Variants in RIMS2 observed in about 807,000 individuals in gnomAD.
RIMS2 encodes regulating synaptic membrane exocytosis protein 2.
In RIMS2, 59 loss-of-function variants were observed where a neutral mutation model predicts 174.4. The observed-to-expected ratio is 0.34, with a 90% CI of 0.27 to 0.42. RIMS2 has a LOEUF of 0.42. RIMS2 is among the 10% of genes least tolerant of loss of function. The pLI is 1.00. For synonymous variants in RIMS2, 606 were observed against 572.5 expected (o/e 1.06, Z -0.84); for missense variants, 1,620 against 1,666.3 (o/e 0.97, Z 0.48).
Position 103,910,533 on chromosome 8 carries a change from C to T in RIMS2, c.1692+332C>T, listed in dbSNP as rs1312358166. Reference sequence around the variant, plus strand: ...GGAGCATAGCCATAGTGATAAGGTACTGAGATTGTGGAGCCTGCCTTTTAA... The same window carrying T: ...GGAGCATAGCCATAGTGATAAGGTATTGAGATTGTGGAGCCTGCCTTTTAA... On this transcript the variant is annotated intron_variant, in intron 5 of 23. Transcript: ENST00000504942. The T allele has an allele frequency of 1.9e-6, 3 of 1,570,806 alleles. No individual in the cohort carries two copies. The highest frequency in any genetic ancestry group is 2.6e-6 in the Non-Finnish European group (3 of 1,155,286).
chr8:104,067,364 A>G (rs1000398607), intron 19 of RIMS2, among the ~76,000 whole-genome samples: 3 of 152,156 alleles, frequency 2.0e-5, no homozygotes, highest in Non-Finnish European at 4.4e-5. Flanking sequence ...TTTCTGAGAA[A>G]TGGAATATTC....
intron 3 of RIMS2, among the ~76,000 whole-genome samples, chr8:103,842,637 A>G (rs2098946901): frequency 6.6e-6 from 1 of 152,234 alleles, no homozygotes. Context: ...CCCAAAAGGT[A>G]AATACATTTC....
At chr8:103,646,313 G>GT (rs147054177) in intron 1 of RIMS2, among the ~76,000 whole-genome samples, 2 of 151,456 alleles carry the variant, frequency 1.3e-5, no homozygotes, top group South Asian at 2.1e-4. Flanking sequence ...TGAGGTAGAA[G>GT]TTTTTTTTTA....
intron 2 of RIMS2, among the ~76,000 whole-genome samples, chr8:103,702,852 G>GT (rs59947900): frequency 0.14 from 16,604 of 117,074 alleles, 1,190 homozygotes; most frequent in Middle Eastern, 0.23. Flanking sequence ...TCCTCCAGCT[G>GT]TTTTTTTTTT....
At chr8:104,053,330 C>T (rs1392968909) in intron 19 of RIMS2, among the ~76,000 whole-genome samples, 1 of 152,086 alleles carries the variant, frequency 6.6e-6, no homozygotes, top group Admixed American at 6.6e-5. Context: ...CCCAGATGCT[C>T]AAGTTATATA....
intron 19 of RIMS2, among the ~76,000 whole-genome samples, chr8:104,129,716 A>G (rs1457427661): frequency 3.9e-5 from 6 of 152,204 alleles, no homozygotes; most frequent in Admixed American, 3.9e-4. Context: ...TGTCTTTACC[A>G]TTCACTTAGC....
chr8:103,812,291 C>G (rs1272271428), intron 3 of RIMS2, among the ~76,000 whole-genome samples: 1 of 146,408 alleles, frequency 6.8e-6, no homozygotes, highest in Non-Finnish European at 1.5e-5. Context: ...ATGGTTCATC[C>G]TAAGTTGAAG....
intron 14 of RIMS2, among the ~76,000 whole-genome samples, chr8:103,956,389 G>T (rs1041725100): frequency 6.6e-6 from 1 of 152,148 alleles, no homozygotes; most frequent in Non-Finnish European, 1.5e-5. Context: ...CATGGCACTG[G>T]TACCAAAACA....
intron 2 of RIMS2, among the ~76,000 whole-genome samples, chr8:103,745,591 A>G (rs1367919531): frequency 6.6e-6 from 1 of 152,208 alleles, no homozygotes; most frequent in African/African-American, 2.4e-5. Context: ...CCAACAATGT[A>G]CAAGAGTTAC....
At chr8:103,788,988 A>C (rs1592403958) in intron 3 of RIMS2, among the ~76,000 whole-genome samples, 3 of 152,182 alleles carry the variant, frequency 2.0e-5, no homozygotes, top group African/African-American at 4.8e-5. Context: ...CCGTTTTTTA[A>C]GCCCTTCGGA....
chr8:104,072,308 A>G (rs2097209833), intron 19 of RIMS2, among the ~76,000 whole-genome samples: 1 of 152,116 alleles, frequency 6.6e-6, no homozygotes, highest in Non-Finnish European at 1.5e-5. Context: ...GATGAGGGCT[A>G]TTTAGCTTAT....
At chr8:103,986,822 G>C (rs977166587) in intron 16 of RIMS2, among the ~76,000 whole-genome samples, 5 of 150,726 alleles carry the variant, frequency 3.3e-5, no homozygotes, top group Non-Finnish European at 7.4e-5. Context: ...GCAGTGAGCC[G>C]AGATCCTGCC....
At chr8:104,233,357 C>T (rs1372790248) in intron 19 of RIMS2, among the ~76,000 whole-genome samples, 2 of 152,184 alleles carry the variant, frequency 1.3e-5, no homozygotes, top group East Asian at 1.9e-4. Context: ...TATCTGCCTC[C>T]GTTATCTGAC....
At chr8:103,604,204 G>C (rs1158422315) in intron 1 of RIMS2, among the ~76,000 whole-genome samples, 1 of 151,064 alleles carries the variant, frequency 6.6e-6, no homozygotes, top group Non-Finnish European at 1.5e-5. Flanking sequence ...TCCAGTTTCA[G>C]CTTTCTACAT....
At chr8:104,218,429 A>C (rs1426254051) in intron 19 of RIMS2, among the ~76,000 whole-genome samples, 2 of 152,200 alleles carry the variant, frequency 1.3e-5, no homozygotes, top group African/African-American at 4.8e-5. Context: ...AACAGGAAAC[A>C]GTTTTGTCGA....
At chr8:103,938,699 A>G (rs1356327135) in intron 13 of RIMS2, among the ~76,000 whole-genome samples, 1 of 152,218 alleles carries the variant, frequency 6.6e-6, no homozygotes, top group East Asian at 1.9e-4. Context: ...CATCTGAGAC[A>G]AGGTAAGTCC....
intron 4 of RIMS2, among the ~76,000 whole-genome samples, chr8:103,897,503 T>A (rs758202204): frequency 1.3e-5 from 2 of 151,716 alleles, no homozygotes; most frequent in Non-Finnish European, 2.9e-5. Context: ...CATATGCATT[T>A]TACTCATGCC....
intron 4 of RIMS2, among the ~76,000 whole-genome samples, chr8:103,892,812 A>C (rs2099254787): frequency 6.6e-6 from 1 of 152,030 alleles, no homozygotes; most frequent in East Asian, 1.9e-4. Flanking sequence ...ACCTGGCCCA[A>C]ATTTTAATTG....
intron 3 of RIMS2, among the ~76,000 whole-genome samples, chr8:103,844,133 CTG>C (rs1435319819): frequency 4.6e-5 from 7 of 152,334 alleles, no homozygotes; most frequent in African/African-American, 1.7e-4. Context: ...CCACGTGGAA[CTG>C]TGTGTTCTCC....
Sources: allele counts gnomAD v4.1 joint callset (sites outside exome capture counted in the v4.1 genomes callset), GRCh38; gene constraint gnomAD v4.1.1; transcripts MANE v1.5; gene names NCBI Gene and HGNC (gene_info 2026-07-23, HGNC 2026-07-21).